SIGLEC5: variants seen among roughly 807,000 people sequenced by gnomAD.
SIGLEC5 encodes the protein sialic acid binding Ig like lectin 5.
SIGLEC5 carries 34 observed loss-of-function variants against 45.9 expected under a neutral mutation model. The observed-to-expected ratio is 0.74, with a 90% CI of 0.56 to 0.99. The LOEUF (loss-of-function observed/expected upper bound fraction) is 0.99, where lower values mean the gene tolerates loss of function less well. Ranked by LOEUF, SIGLEC5 falls within the 50% of genes least tolerant of loss-of-function variation. The pLI, the probability that SIGLEC5 is intolerant of heterozygous loss-of-function variation, is 0.00. For synonymous variants in SIGLEC5, 203 were observed against 258.6 expected (o/e 0.79, Z 2.06); for missense variants, 508 against 629.6 (o/e 0.81, Z 2.07).
In SIGLEC5 at chr19:51,629,429, T is replaced by G; in HGVS notation, c.629A>C (p.Asn210Thr). Residue 210 changes from asparagine (N) to threonine (T), a missense_variant, in exon 3 of 9, where the codon AAC (asparagine) becomes ACC (threonine). Asn to Thr is a moderately conservative substitution (Grantham distance 65). Transcript: ENST00000683636. ...LTPRPEDHGT[N>T]LTCQMKRQGA... is the part of the protein sequence containing the mutation. Reference sequence around the variant, plus strand: ...TTGGCGTTTCATCTGACAGGTGAGGTTGGTGCCATGGTCCTCGGGCCTGGG... The same window carrying G: ...TTGGCGTTTCATCTGACAGGTGAGGGTGGTGCCATGGTCCTCGGGCCTGGG... 1 of 1,613,446 alleles carries G rather than the reference T, an allele frequency of 6.2e-7. No individual in the cohort carries two copies. Among genetic ancestry groups the G allele is most frequent in the Non-Finnish European group, 8.5e-7 (1 of 1,179,868 alleles).
At position 51,627,955 on chromosome 19, in the gene SIGLEC5, G is replaced by A. The variant is rs201727320; in HGVS notation, c.876C>T (p.Pro292=). 2.5e-6 allele frequency: 4 copies of A among 1,614,102 alleles called. No individual in the cohort carries two copies. The highest frequency in any genetic ancestry group is 1.7e-5 in the Admixed American group (1 of 60,010). ...GCTCCAAGATCCCGGTATTGGAGAT[G>A]GGGGTGGCGTTCAGGGCAGGGGAGC... is the stretch of plus-strand genomic sequence containing the variant. ...FQGSPALNAT[P]ISNTGILELR... is the part of the protein sequence containing the mutation. The change falls in exon 5 of 9, where the codon CCC becomes CCT. Residue 292 remains proline (P), a synonymous_variant. Transcript: ENST00000683636.
At chr19:51,622,193 G>A (rs1024064385) in intron 8 of SIGLEC5, among the ~76,000 whole-genome samples, 23 of 152,102 alleles carry the variant, frequency 1.5e-4, no homozygotes, top group African/African-American at 2.7e-4. Flanking sequence ...GTGCACTGGC[G>A]CGATCTCCGC....
At chr19:51,614,757 T>C (rs1446140288) in intron 8 of SIGLEC5, among the ~76,000 whole-genome samples, 1 of 152,192 alleles carries the variant, frequency 6.6e-6, no homozygotes, top group African/African-American at 2.4e-5. Flanking sequence ...TTGGGCTAGA[T>C]GCCGTTCGTA....
At position 51,627,478 on chromosome 19, in the gene SIGLEC5, A is replaced by G; in HGVS notation, c.1266T>C (p.Ser422=). 6.2e-7 allele frequency: 1 copy of G among 1,613,484 alleles called. No homozygotes were observed. Among genetic ancestry groups the G allele is most frequent in the Non-Finnish European group, 8.5e-7 (1 of 1,179,770 alleles). ...CCCCCTGACCTTGCAGCAGCAGGAC[A>G]GAGCCGCTCTGGGACCCATAGATGT... is the stretch of plus-strand genomic sequence containing the variant. ...AWNIYGSQSG[S]VLLLQGRSNL... The change falls in exon 6 of 9, where the codon TCT becomes TCC. Residue 422 remains serine, a synonymous_variant. Coordinates refer to ENST00000683636, the MANE Select transcript of SIGLEC5 (RefSeq NM_003830.4).
At chr19:51,623,822 T>C (rs1983381120) in intron 8 of SIGLEC5, among the ~76,000 whole-genome samples, 2 of 152,160 alleles carry the variant, frequency 1.3e-5, no homozygotes, top group African/African-American at 4.8e-5. Context: ...ATAAGAATGT[T>C]CAGAACGGCT....
intron 8 of SIGLEC5, among the ~76,000 whole-genome samples, chr19:51,622,333 G>A (rs1983321928): frequency 1.3e-5 from 2 of 151,618 alleles, no homozygotes; most frequent in African/African-American, 4.9e-5. Context: ...TAAAGACGGG[G>A]TTTCACCGTG....
At chr19:51,617,369 A>G (rs1244107898) in intron 8 of SIGLEC5, among the ~76,000 whole-genome samples, 1 of 152,140 alleles carries the variant, frequency 6.6e-6, no homozygotes, top group Non-Finnish European at 1.5e-5. Flanking sequence ...GAGTGCAAGA[A>G]AAAAGATGCA....
chr19:51,613,151 A>C (rs886712802), intron 8 of SIGLEC5, among the ~76,000 whole-genome samples: 47 of 152,184 alleles, frequency 3.1e-4, no homozygotes, highest in South Asian at 4.1e-4. Context: ...AGGTCATAGG[A>C]AAGCTGCAAG....
At chr19:51,616,906 C>CAAAAAAAAAAAAAA (rs34974873) in intron 8 of SIGLEC5, among the ~76,000 whole-genome samples, 1 of 46,402 alleles carries the variant, frequency 2.2e-5, no homozygotes, top group Non-Finnish European at 3.4e-5. Flanking sequence ...GTGAGACTGT[C>CAAAAAAAAAAAAAA]AAAAAAAAAA....
Position 51,612,253 on chromosome 19 carries a change from G to A in SIGLEC5, c.1634C>T (p.Ser545Leu), listed in dbSNP as rs1276346326. The change falls in exon 9 of 9, where the codon TCG (serine) becomes TTG (leucine). Residue 545 changes from serine to leucine, a missense_variant. Transcript: ENST00000683636. Reference protein sequence around the residue: ...DQEAPSTTEYSEIKTSK With the variant: ...DQEAPSTTEYLEIKTSK Reference sequence around the variant, plus strand: ...TCCTCACTTGCTTGTCTTGATCTCCGAGTACTCCGTGGTGCTTGGGGCCTC... The same window carrying A: ...TCCTCACTTGCTTGTCTTGATCTCCAAGTACTCCGTGGTGCTTGGGGCCTC... The A allele has an allele frequency of 6.9e-6, 11 of 1,605,048 alleles. No homozygotes were observed. Among genetic ancestry groups the A allele is most frequent in the Middle Eastern group, 1.9e-4 (1 of 5,322 alleles).
chr19:51,613,495 C>T (rs758940598), intron 8 of SIGLEC5, among the ~76,000 whole-genome samples: 35 of 152,044 alleles, frequency 2.3e-4, no homozygotes, highest in Non-Finnish European at 4.9e-4. Context: ...TGATTTCTCA[C>T]ACTGTACGTG....
chr19:51,625,793 G>A (rs1983454502), intron 8 of SIGLEC5, among the ~76,000 whole-genome samples: 1 of 152,188 alleles, frequency 6.6e-6, no homozygotes, highest in Non-Finnish European at 1.5e-5. Flanking sequence ...TCGCACCATT[G>A]CACTCCAGCC....
intron 8 of SIGLEC5, among the ~76,000 whole-genome samples, chr19:51,614,754 A>G (rs1319279724): frequency 2.0e-5 from 3 of 152,214 alleles, no homozygotes; most frequent in African/African-American, 4.8e-5. Flanking sequence ...TCTTTGGGCT[A>G]GATGCCGTTC....
chr19:51,626,736 T>TAAAAAAA (rs1983495915), intron 7 of SIGLEC5, among the ~76,000 whole-genome samples: 1 of 152,198 alleles, frequency 6.6e-6, no homozygotes, highest in Admixed American at 6.5e-5. Context: ...GAAAATGTTC[T>TAAAAAAA]AAAATTGATT....
rs761051553 is a variant in SIGLEC5, at chr19:51,627,106, C to T, written c.1382+43G>A. 8 of 1,487,134 alleles carry T rather than the reference C, an allele frequency of 5.4e-6. No individual in the cohort carries two copies. In the South Asian group the frequency reaches 9.1e-5, roughly 17 times the overall value. 92.1% of individuals were successfully genotyped at this position (1,487,134 alleles called of 1,614,324 possible). ...TTCTGAGATTCAGTCTCTCCTACTCCCTACAAACACCACCCTGTACCTTCC... is the reference window on the plus strand; with the variant it reads ...TTCTGAGATTCAGTCTCTCCTACTCTCTACAAACACCACCCTGTACCTTCC... On this transcript the variant is annotated intron_variant, in intron 7 of 8. Transcript: ENST00000683636.
intron 8 of SIGLEC5, among the ~76,000 whole-genome samples, chr19:51,625,355 A>G (rs951072868): frequency 6.6e-6 from 1 of 152,202 alleles, no homozygotes; most frequent in Admixed American, 6.5e-5. Context: ...AAGCAACAGG[A>G]ACAAACAACA....
intron 7 of SIGLEC5, among the ~76,000 whole-genome samples, chr19:51,626,485 G>A (rs552906078): frequency 6.6e-6 from 1 of 152,242 alleles, no homozygotes; most frequent in Non-Finnish European, 1.5e-5. Context: ...AAACAAAAAG[G>A]AATGAAGTAT....
chr19:51,611,970 C>T lies in SIGLEC5; in HGVS notation c.*261G>A, dbSNP rs574032964. The stretch of plus-strand genomic sequence containing the variant: ...TTGATTTCTTTAATGTTCACAACAA[C>T]CTTTGAGGTAGCATGCATGATCTCT... On this transcript the variant is annotated 3_prime_UTR_variant, in exon 9 of 9. Transcript: ENST00000683636. 3.9e-5 allele frequency: 10 copies of T among 258,356 alleles called. No homozygotes were observed. The highest frequency in any genetic ancestry group is 2.0e-4 in the African/African-American group (9 of 44,798). 16.0% of individuals were successfully genotyped at this position (258,356 alleles called of 1,614,324 possible).
chr19:51,616,921 A>AAC (rs1452956917), intron 8 of SIGLEC5, among the ~76,000 whole-genome samples: 5 of 147,210 alleles, frequency 3.4e-5, no homozygotes, highest in African/African-American at 1.0e-4. Flanking sequence ...AAAAAAAACA[A>AAC]AAAAAAAAAA....
Sources: gnomAD v4.1 joint callset for allele counts (sites outside exome capture counted in the v4.1 genomes callset) on GRCh38, gnomAD v4.1.1 for gene constraint, MANE v1.5 for transcripts, NCBI Gene and HGNC (gene_info 2026-07-23, HGNC 2026-07-21) for gene names.